The following KANK4 variants were observed in gnomAD, a reference collection of about 807,000 sequenced individuals.
KANK4 encodes KN motif and ankyrin repeat domains 4, also known as KN motif and ankyrin repeat domain-containing protein 4.
KANK4 carries 50 observed loss-of-function variants against 80.8 expected under a neutral mutation model. The observed-to-expected ratio is 0.62, with a 90% confidence interval of 0.49 to 0.78. The LOEUF is 0.78. Among genes scored for constraint, KANK4 ranks in the 30% least tolerant of loss-of-function variants. The pLI is 0.00. For missense variants in KANK4, 1,196 were observed against 1,240.1 expected (o/e 0.96, Z 0.53); for synonymous variants, 465 against 506.9 (o/e 0.92, Z 1.11).
rs896656927 is a variant in KANK4, at chr1:62,319,396, A to T, written c.-361T>A. ...AGCCGCGGCTTCGCCCCGCGTCGCC[A>T]GCTGCCAACAGCGCCCGAGTCCCCG... On this transcript the variant is annotated 5_prime_UTR_variant, in exon 1 of 10. Transcript: ENST00000371153. 6.6e-6 allele frequency: 1 copy of T among 152,030 alleles called. No individual in the cohort carries two copies. The highest frequency in any genetic ancestry group is 2.1e-4 in the South Asian group (1 of 4,824). The allele number at this position is 152,030 out of a possible 1,614,324, so 9.4% of individuals were successfully genotyped here.
intron 1 of KANK4, 43 bp from the exon 2 acceptor site, chr1:62,281,677 T>C: frequency 1.7e-6 from 2 of 1,195,824 alleles, no homozygotes; most frequent in East Asian, 4.7e-5. Flanking sequence ...CTCATTAGCG[T>C]TTGAATAAGT....
At chr1:62,304,531 C>G (rs1008195792) in intron 1 of KANK4, among the ~76,000 whole-genome samples, 4 of 152,026 alleles carry the variant, frequency 2.6e-5, no homozygotes, top group African/African-American at 7.2e-5. Flanking sequence ...CTGCACTGGG[C>G]CTTAACTTCC....
chr1:62,273,513 G>T lies in KANK4; in HGVS notation c.1591C>A (p.Pro531Thr). The change falls in exon 3 of 10, where the codon CCC (proline) becomes ACC (threonine). Residue 531 changes from proline to threonine, a missense_variant. By Grantham distance (38) the Pro-to-Thr change is conservative (BLOSUM62 -1). Around this residue, in one of 3 missense-constraint regions of KANK4, gnomAD observed 1,154 missense variants for 1,179.6 expected, o/e 0.98. Coordinates refer to ENST00000371153, the MANE Select transcript of KANK4 (RefSeq NM_181712.5). ...GFLWGSDRKT[P>T]PAGREETSSN... ...CTGGTCTCCTCCCTCCCTGCTGGGG[G>T]AGTCTTTCTGTCGCTGCCCCACAGA... 1 of 1,613,632 alleles carries T rather than the reference G, an allele frequency of 6.2e-7. No homozygotes were observed. The highest frequency in any genetic ancestry group is 1.1e-5 in the South Asian group (1 of 91,044).
At chr1:62,257,264 T>G (rs1231335687) in intron 7 of KANK4, among the ~76,000 whole-genome samples, 1 of 152,088 alleles carries the variant, frequency 6.6e-6, no homozygotes, top group Non-Finnish European at 1.5e-5. Flanking sequence ...ATTTTTGTAT[T>G]TTTAGTAGAG....
At chr1:62,288,829 A>C (rs1197928916) in intron 1 of KANK4, among the ~76,000 whole-genome samples, 2 of 152,226 alleles carry the variant, frequency 1.3e-5, no homozygotes, top group African/African-American at 4.8e-5. Flanking sequence ...CGTGACTTAA[A>C]CATACCGTAA....
Position 62,273,631 on chromosome 1 carries a change from T to C in KANK4, c.1473A>G (p.Val491=). ...TGAGTTCAGTGGAGAGGAAGCTATG[T>C]ACAGAGGAGGTAAGGACCTGCTCGG... is the stretch of plus-strand genomic sequence containing the variant. ...QGPEQVLTSS[V]HSFLSTELRI... The change falls in exon 3 of 10, where the codon GTA becomes GTG. Residue 491 remains valine (V), a synonymous_variant. Coordinates refer to ENST00000371153, the MANE Select transcript of KANK4 (RefSeq NM_181712.5). 3.1e-6 allele frequency: 5 copies of C among 1,614,158 alleles called. No homozygotes were observed. Among genetic ancestry groups the C allele is most frequent in the Non-Finnish European group, 4.2e-6 (5 of 1,180,018 alleles).
At chr1:62,241,390 C>T (rs1370613987) in intron 9 of KANK4, among the ~76,000 whole-genome samples, 1 of 152,158 alleles carries the variant, frequency 6.6e-6, no homozygotes, top group Non-Finnish European at 1.5e-5. Context: ...GAAGATGGCA[C>T]ATGGGCTTCT....
At chr1:62,250,731 T>C (rs1570967089) in intron 8 of KANK4, among the ~76,000 whole-genome samples, 2 of 152,128 alleles carry the variant, frequency 1.3e-5, no homozygotes, top group African/African-American at 4.8e-5. Context: ...AACGTATTTA[T>C]GGGAAACATT....
chr1:62,300,214 A>C (rs1644400481), intron 1 of KANK4, among the ~76,000 whole-genome samples: 1 of 152,200 alleles, frequency 6.6e-6, no homozygotes, highest in Admixed American at 6.5e-5. Context: ...TTCACTGGCC[A>C]CAAGGCATGA....
At chr1:62,242,681 C>T (rs577531214) in intron 9 of KANK4, among the ~76,000 whole-genome samples, 304 of 152,244 alleles carry the variant, frequency 2.0e-3, no homozygotes, top group African/African-American at 7.0e-3. Flanking sequence ...TGCATTTATA[C>T]CGAACTTTAA....
intron 1 of KANK4, among the ~76,000 whole-genome samples, chr1:62,290,261 C>T (rs1672652244): frequency 6.6e-6 from 1 of 152,146 alleles, no homozygotes; most frequent in Admixed American, 6.5e-5. Context: ...ATTTTCCAAA[C>T]CCCTCCCTAG....
intron 2 of KANK4, among the ~76,000 whole-genome samples, chr1:62,277,195 C>G (rs1672334386): frequency 6.6e-6 from 1 of 152,206 alleles, no homozygotes; most frequent in South Asian, 2.1e-4. Context: ...GCTTATAGTA[C>G]AGGCTTCTTC....
chr1:62,309,291 CCCAAAGATTG>C (rs1557511333), intron 1 of KANK4, among the ~76,000 whole-genome samples: 1 of 152,176 alleles, frequency 6.6e-6, no homozygotes, highest in Non-Finnish European at 1.5e-5. Flanking sequence ...TAAGTTACCT[CCCAAAGATTG>C]CATGTCCTAA....
At chr1:62,286,298 T>G (rs903907385) in intron 1 of KANK4, among the ~76,000 whole-genome samples, 1 of 152,238 alleles carries the variant, frequency 6.6e-6, no homozygotes, top group Non-Finnish European at 1.5e-5. Flanking sequence ...TGATAGCTCG[T>G]GCCTTCAGCA....
intron 9 of KANK4, among the ~76,000 whole-genome samples, chr1:62,239,182 A>G (rs1438210208): frequency 6.6e-6 from 1 of 152,100 alleles, no homozygotes; most frequent in Non-Finnish European, 1.5e-5. Flanking sequence ...GATTACAGAC[A>G]TGAATTTGCA....
chr1:62,315,276 TG>T (rs1644529860), intron 1 of KANK4, among the ~76,000 whole-genome samples: 1 of 152,082 alleles, frequency 6.6e-6, no homozygotes. Flanking sequence ...TCTACTACAG[TG>T]TAGCACAAAG....
chr1:62,293,213 G>A (rs1672722124), intron 1 of KANK4, among the ~76,000 whole-genome samples: 2 of 151,552 alleles, frequency 1.3e-5, no homozygotes, highest in South Asian at 4.2e-4. Flanking sequence ...TCAGCCTCCT[G>A]AGTAGCTGGG....
Position 62,317,585 on chromosome 1 carries a change from C to T in KANK4, c.-71+1521G>A, listed in dbSNP as rs1025467666. ...CTGGTAGTAACTCAGCCAACAGAGG[C>T]TTTCAGTTCCTCTAACCCACTCTGC... On this transcript the variant is annotated intron_variant, in intron 1 of 9. Transcript: ENST00000371153. Among the ~76,000 whole-genome samples, 6 of 152,218 alleles carry T rather than the reference C, an allele frequency of 3.9e-5. No individual in the cohort carries two copies. The East Asian group carries it at 1.2e-3, about 29-fold the overall frequency.
intron 1 of KANK4, among the ~76,000 whole-genome samples, chr1:62,292,636 C>T (rs1672702321): frequency 6.6e-6 from 1 of 152,174 alleles, no homozygotes; most frequent in Non-Finnish European, 1.5e-5. Flanking sequence ...AAGCCTTCCT[C>T]CAATTGAGAA....
Sources: allele counts gnomAD v4.1 joint callset (sites outside exome capture counted in the v4.1 genomes callset), GRCh38; gene constraint gnomAD v4.1.1; regional missense constraint gnomAD v4.1.1; transcripts MANE v1.5; gene names NCBI Gene and HGNC (gene_info 2026-07-23, HGNC 2026-07-21).